The following SCAMP1 variants were observed in gnomAD, a reference collection of about 807,000 sequenced individuals.
The protein encoded by SCAMP1 is secretory carrier membrane protein 1, also known as secretory carrier-associated membrane protein 1.
Under a neutral mutation model 41.8 loss-of-function variants are expected in SCAMP1, and 15 were observed. The observed-to-expected ratio is 0.36, with a 90% CI of 0.24 to 0.55. The LOEUF (loss-of-function observed/expected upper bound fraction) is 0.55. Ranked by LOEUF, SCAMP1 falls within the 20% of genes least tolerant of loss-of-function variation. SCAMP1 has a pLI of 0.86. For missense variants in SCAMP1, 341 were observed against 412.6 expected (o/e 0.83, Z 1.50); for synonymous variants, 135 against 136.8 (o/e 0.99, Z 0.09).
intron 1 of SCAMP1, among the ~76,000 whole-genome samples, chr5:78,361,973 C>G (rs1044754412): frequency 6.6e-6 from 1 of 152,220 alleles, no homozygotes; most frequent in Admixed American, 6.5e-5. Context: ...CAACTCGACT[C>G]ACTTTGTAGC....
intron 2 of SCAMP1, among the ~76,000 whole-genome samples, chr5:78,394,065 G>T (rs1387448742): frequency 6.6e-6 from 1 of 152,150 alleles, no homozygotes; most frequent in African/African-American, 2.4e-5. Flanking sequence ...TTCGCTAGTT[G>T]ATGCCATATA....
intron 8 of SCAMP1, among the ~76,000 whole-genome samples, chr5:78,467,769 C>T (rs1369553451): frequency 6.6e-6 from 1 of 152,144 alleles, no homozygotes; most frequent in Admixed American, 6.5e-5. Flanking sequence ...ATATAATTTG[C>T]ACCAGCTTTC....
rs1382109661 is a variant in SCAMP1, at chr5:78,390,532, AAAG to A, written c.135+1623_135+1625del. Among the ~76,000 whole-genome samples, 10 of 152,342 alleles carry A rather than the reference AAAG, an allele frequency of 6.6e-5. No individual in the cohort carries two copies. The East Asian group carries it at 1.5e-3, about 23-fold the overall frequency. On this transcript the variant is annotated intron_variant, in intron 2 of 8. Coordinates refer to ENST00000621999, the MANE Select transcript of SCAMP1 (RefSeq NM_004866.6). ...TTGGTAGTAGTTGTTGAAGGGAAAA[AAAG>A]AAGAGCTGGCAAATTATATTCCACT...
In SCAMP1 at chr5:78,480,347, GAAT is replaced by G. The variant is rs1260658088; in HGVS notation, c.*4684_*4686del. On this transcript the variant is annotated 3_prime_UTR_variant, in exon 9 of 9. Transcript: ENST00000621999. ...TACATTAAAACAGTTCTAGTTTGTA[GAAT>G]AATACCATACAAGTTTTATTTTTAA... Among the ~76,000 whole-genome samples, 2 of 152,134 alleles carry G rather than the reference GAAT, an allele frequency of 1.3e-5. No individual in the cohort carries two copies. The highest frequency in any genetic ancestry group is 2.9e-5 in the Non-Finnish European group (2 of 68,022).
chr5:78,363,729 A>T (rs1750722373), intron 1 of SCAMP1, among the ~76,000 whole-genome samples: 1 of 152,042 alleles, frequency 6.6e-6, no homozygotes, highest in Non-Finnish European at 1.5e-5. Flanking sequence ...AAGTAGTTTG[A>T]GTCTATTCTC....
intron 6 of SCAMP1, among the ~76,000 whole-genome samples, chr5:78,446,748 A>T (rs1327133340): frequency 6.6e-6 from 1 of 152,210 alleles, no homozygotes; most frequent in Admixed American, 6.5e-5. Context: ...TCTCAGCTGT[A>T]TGGTCATTAA....
chr5:78,417,967 G>A (rs1233008729), intron 4 of SCAMP1, among the ~76,000 whole-genome samples: 3 of 152,022 alleles, frequency 2.0e-5, no homozygotes, highest in African/African-American at 7.2e-5. Flanking sequence ...ATCTAAAATC[G>A]GGAAATGGCC....
intron 8 of SCAMP1, among the ~76,000 whole-genome samples, chr5:78,463,739 G>A (rs1376111796): frequency 6.6e-6 from 1 of 151,942 alleles, no homozygotes; most frequent in East Asian, 1.9e-4. Context: ...GGGGAGTGAG[G>A]GTAATGAAAG....
At chr5:78,406,602 C>T (rs1249411539) in intron 2 of SCAMP1, among the ~76,000 whole-genome samples, 1 of 152,110 alleles carries the variant, frequency 6.6e-6, no homozygotes, top group Non-Finnish European at 1.5e-5. Context: ...TAGAGCAGTC[C>T]ATCCACTATT....
chr5:78,373,933 C>T (rs895979448), intron 1 of SCAMP1, among the ~76,000 whole-genome samples: 9 of 152,030 alleles, frequency 5.9e-5, no homozygotes, highest in African/African-American at 1.9e-4. Context: ...TTTAATAGGT[C>T]TTTATGGTTA....
intron 1 of SCAMP1, among the ~76,000 whole-genome samples, chr5:78,384,770 G>C (rs2112077624): frequency 6.6e-6 from 1 of 152,224 alleles, no homozygotes; most frequent in East Asian, 1.9e-4. Context: ...ACTTGTGGAT[G>C]TTAAGCCATG....
At chr5:78,451,377 T>A (rs1259196708) in intron 7 of SCAMP1, among the ~76,000 whole-genome samples, 1 of 152,208 alleles carries the variant, frequency 6.6e-6, no homozygotes, top group Non-Finnish European at 1.5e-5. Flanking sequence ...AAAATATAAA[T>A]ACCAAGATCT....
chr5:78,437,290 C>T (rs139944957), intron 6 of SCAMP1, among the ~76,000 whole-genome samples: 5,390 of 151,900 alleles, frequency 0.035, 346 homozygotes, highest in African/African-American at 0.12. Flanking sequence ...TGTCTTGTGC[C>T]GGTTTTCAAA....
intron 7 of SCAMP1, among the ~76,000 whole-genome samples, chr5:78,458,691 C>A (rs1753500151): frequency 6.6e-6 from 1 of 152,112 alleles, no homozygotes; most frequent in South Asian, 2.1e-4. Context: ...ACCAGTCTGA[C>A]CAACATGGTG....
At chr5:78,453,405 G>A (rs1217172158) in intron 7 of SCAMP1, among the ~76,000 whole-genome samples, 1 of 151,260 alleles carries the variant, frequency 6.6e-6, no homozygotes, top group Admixed American at 6.6e-5. Context: ...TCTACATATG[G>A]CTAGCCAGTT....
At chr5:78,407,145 A>G (rs1033544482) in intron 2 of SCAMP1, among the ~76,000 whole-genome samples, 1 of 152,222 alleles carries the variant, frequency 6.6e-6, no homozygotes, top group Non-Finnish European at 1.5e-5. Flanking sequence ...TGGAGTGCCC[A>G]GTGAGATAGA....
chr5:78,463,007 C>G (rs1467380727), intron 8 of SCAMP1, among the ~76,000 whole-genome samples: 5 of 87,902 alleles, frequency 5.7e-5, no homozygotes, highest in Non-Finnish European at 1.2e-4. Flanking sequence ...AATAATTTTA[C>G]CTTATATTTA....
At chr5:78,392,302 A>T (rs1003281322) in intron 2 of SCAMP1, among the ~76,000 whole-genome samples, 10 of 152,212 alleles carry the variant, frequency 6.6e-5, no homozygotes, top group Admixed American at 1.3e-4. Context: ...CCGTTTTACT[A>T]ATAAAGATCT....
chr5:78,459,449 G>T, intron 8 of SCAMP1, 87 bp downstream of exon 8: 1 of 686,700 alleles, frequency 1.5e-6, no homozygotes, highest in East Asian at 2.8e-5. Context: ...GGTGTAACCT[G>T]AAGCCATTTT....
Sources: allele counts gnomAD v4.1 joint callset (sites outside exome capture counted in the v4.1 genomes callset), GRCh38; gene constraint gnomAD v4.1.1; transcripts MANE v1.5; gene names NCBI Gene and HGNC (gene_info 2026-07-23, HGNC 2026-07-21).